Variants in SOX5 observed in about 807,000 individuals in gnomAD.
SOX5 encodes the protein transcription factor SOX-5.
In SOX5, 9 loss-of-function variants were observed where a neutral mutation model predicts 92.0. The ratio of observed to expected loss-of-function variants is 0.10; its 90% CI spans 0.06 to 0.17. The LOEUF (loss-of-function observed/expected upper bound fraction) is 0.17. Among genes scored for constraint, SOX5 ranks in the 10% least tolerant of loss-of-function variants. The pLI, the probability that SOX5 is intolerant of heterozygous loss-of-function variation, is 1.00. For missense variants in SOX5, 642 were observed against 944.5 expected (o/e 0.68, Z 4.20); for synonymous variants, 344 against 336.3 (o/e 1.02, Z -0.25).
intron 8 of SOX5, among the ~76,000 whole-genome samples, chr12:23,632,617 T>C (rs1371084367): frequency 6.6e-6 from 1 of 152,138 alleles, no homozygotes; most frequent in Non-Finnish European, 1.5e-5. Context: ...ATTGACCTTC[T>C]TCAGAGACTG....
chr12:24,055,819 GTT>G (rs919666145), intron 4 of SOX5, among the ~76,000 whole-genome samples: 11 of 152,130 alleles, frequency 7.2e-5, no homozygotes, highest in African/African-American at 2.7e-4. Flanking sequence ...AGTTACCATG[GTT>G]TATTTAACAG....
rs141451153 is a variant in SOX5 at position 24,137,981 on chromosome 12, C to T, written c.-2+75362G>A. Reference sequence around the variant, plus strand: ...AGATTAGAACATAAAGTAAAGAATCCGGTAGCTAACGGAGCTGGCAAGGAA... The same window carrying T: ...AGATTAGAACATAAAGTAAAGAATCTGGTAGCTAACGGAGCTGGCAAGGAA... On this transcript the variant is annotated intron_variant, in intron 4 of 4. Transcript: ENST00000446891. 2.1e-3 allele frequency among the ~76,000 whole-genome samples: 325 copies of T among 152,268 alleles called. 1 individual carries two copies. The highest frequency in any genetic ancestry group is 7.1e-3 in the African/African-American group (297 of 41,554).
At chr12:23,653,037 T>TGGATGGATGGAC (rs71059912) in intron 7 of SOX5, among the ~76,000 whole-genome samples, 45,615 of 149,804 alleles carry the variant, frequency 0.3, 7,156 homozygotes, top group East Asian at 0.41. Flanking sequence ...GATAGATGGA[T>TGGATGGATGGAC]GGATGGATGG....
chr12:24,364,433 ATCT>A (rs1212200715), intron 2 of SOX5, among the ~76,000 whole-genome samples: 1 of 149,636 alleles, frequency 6.7e-6, no homozygotes, highest in Non-Finnish European at 1.5e-5. Context: ...GAATGACATA[ATCT>A]TCTTGCCTTA....
chr12:24,537,824 A>G (rs896049076), intron 1 of SOX5, among the ~76,000 whole-genome samples: 1 of 152,202 alleles, frequency 6.6e-6, no homozygotes, highest in Non-Finnish European at 1.5e-5. Context: ...TGCTCAGTCC[A>G]TCCCCTGGGA....
chr12:24,221,097 T>C (rs1565685790), intron 3 of SOX5, among the ~76,000 whole-genome samples: 7 of 152,190 alleles, frequency 4.6e-5, no homozygotes, highest in Admixed American at 2.6e-4. Context: ...GATGTCAAAA[T>C]CCATTTTCTT....
chr12:24,236,909 CAA>C (rs63258566), intron 3 of SOX5, among the ~76,000 whole-genome samples: 34 of 141,542 alleles, frequency 2.4e-4, no homozygotes, highest in African/African-American at 4.5e-4. Flanking sequence ...ATCCACAACT[CAA>C]AAAAAAAAAA....
intron 7 of SOX5, among the ~76,000 whole-genome samples, chr12:23,642,749 T>G (rs2080239748): frequency 6.6e-6 from 1 of 152,174 alleles, no homozygotes; most frequent in African/African-American, 2.4e-5. Flanking sequence ...GGTGGGAGGT[T>G]GAGAGCTGTA....
intron 8 of SOX5, among the ~76,000 whole-genome samples, chr12:23,617,883 T>C (rs1325787697): frequency 1.3e-5 from 2 of 152,228 alleles, no homozygotes; most frequent in Admixed American, 1.3e-4. Flanking sequence ...TGATAGTTTC[T>C]CTTTCGCTCA....
chr12:24,267,749 G>T (rs1056761125), intron 3 of SOX5, among the ~76,000 whole-genome samples: 2 of 152,140 alleles, frequency 1.3e-5, no homozygotes, highest in Admixed American at 1.3e-4. Context: ...AAAAGTTCAT[G>T]TATTATTTTA....
chr12:23,945,323 T>C (rs918691251), intron 1 of SOX5, among the ~76,000 whole-genome samples: 4 of 152,176 alleles, frequency 2.6e-5, no homozygotes, highest in African/African-American at 9.6e-5. Context: ...GTGCTTATTA[T>C]ATTTGAGAAA....
At chr12:24,346,774 TA>T (rs1450487657) in intron 2 of SOX5, among the ~76,000 whole-genome samples, 8 of 151,798 alleles carry the variant, frequency 5.3e-5, no homozygotes, top group Non-Finnish European at 1.0e-4. Flanking sequence ...ACAAAATTTG[TA>T]AAAATTTGTG....
intron 4 of SOX5, among the ~76,000 whole-genome samples, chr12:24,128,253 T>C (rs1285671810): frequency 6.6e-6 from 1 of 152,214 alleles, no homozygotes. Context: ...ACTAAATTCA[T>C]TGTTAGTCAT....
intron 2 of SOX5, among the ~76,000 whole-genome samples, chr12:23,847,000 T>G (rs1298063019): frequency 6.6e-6 from 1 of 152,152 alleles, no homozygotes; most frequent in Non-Finnish European, 1.5e-5. Context: ...TATCTTTTTA[T>G]AGTCTATTGT....
At chr12:23,725,957 C>T (rs372634350) in intron 6 of SOX5, among the ~76,000 whole-genome samples, 2 of 152,148 alleles carry the variant, frequency 1.3e-5, no homozygotes, top group African/African-American at 4.8e-5. Flanking sequence ...GTAGAAGAAG[C>T]TATCCCAGTT....
intron 1 of SOX5, among the ~76,000 whole-genome samples, chr12:23,925,319 G>T (rs964434181): frequency 6.6e-6 from 1 of 152,010 alleles, no homozygotes; most frequent in African/African-American, 2.4e-5. Context: ...TTTTAGTAGA[G>T]GGCAAGTAGT....
intron 1 of SOX5, among the ~76,000 whole-genome samples, chr12:24,441,739 A>G (rs887178124): frequency 6.6e-6 from 1 of 152,230 alleles, no homozygotes; most frequent in Non-Finnish European, 1.5e-5. Context: ...GTTCTGAAGC[A>G]CTGTATCAGC....
chr12:23,680,636 A>G (rs1346828806), intron 6 of SOX5, among the ~76,000 whole-genome samples: 2 of 152,084 alleles, frequency 1.3e-5, no homozygotes, highest in African/African-American at 4.8e-5. Context: ...TGAAAGATAT[A>G]GGCCCATAAA....
chr12:23,636,411 T>TTTGC (rs1164333987), intron 8 of SOX5, among the ~76,000 whole-genome samples: 3 of 152,264 alleles, frequency 2.0e-5, no homozygotes, highest in Non-Finnish European at 2.9e-5. Context: ...AGCATATCAT[T>TTTGC]TTGCTTGTCT....
Sources: gnomAD v4.1 joint callset for allele counts (sites outside exome capture counted in the v4.1 genomes callset) on GRCh38, gnomAD v4.1.1 for gene constraint, MANE v1.5 for transcripts, NCBI Gene and HGNC (gene_info 2026-07-23, HGNC 2026-07-21) for gene names.